Variants in MORC1 observed in about 807,000 individuals in gnomAD.
The protein encoded by MORC1 is MORC family CW-type zinc finger protein 1.
MORC1 carries 59 observed loss-of-function variants against 134.9 expected under a neutral mutation model. That is an observed-to-expected ratio of 0.44 (90% CI 0.35 to 0.54). The LOEUF (loss-of-function observed/expected upper bound fraction) is 0.54. MORC1 is among the 20% of genes least tolerant of loss of function. MORC1 has a pLI of 0.00. For missense variants in MORC1, 947 were observed against 1,134.5 expected, an observed-to-expected ratio of 0.83 and a Z score of 2.37; for synonymous variants, 395 against 391.7, an observed-to-expected ratio of 1.01 and a Z score of -0.10.
In MORC1 at chr3:109,054,857, C is replaced by T. The variant is rs775197851; in HGVS notation, c.1201G>A (p.Val401Ile). The change falls in exon 14 of 28, where the codon GTT becomes ATT. Residue 401 changes from valine (V) to isoleucine (I), a missense_variant. Val to Ile is a conservative substitution (Grantham distance 29). Transcript: ENST00000232603. ...TCCATGACCTCCAAGGGTATATTAACAATTCCAACCACGCCTGCGCCAAGT... is the reference window on the plus strand; with the variant it reads ...TCCATGACCTCCAAGGGTATATTAATAATTCCAACCACGCCTGCGCCAAGT... Reference protein sequence around the residue: ...SLLGAGVVGIVNIPLEVMEPS... With the variant: ...SLLGAGVVGIINIPLEVMEPS... The T allele has an allele frequency of 1.9e-6, 3 of 1,602,094 alleles. 1 individual carries two copies. Among genetic ancestry groups the T allele is most frequent in the Non-Finnish European group, 1.7e-6 (2 of 1,177,306 alleles).
chr3:109,035,106 T>A (rs1398813706), intron 15 of MORC1, among the ~76,000 whole-genome samples: 1 of 152,122 alleles, frequency 6.6e-6, no homozygotes, highest in African/African-American at 2.4e-5. Flanking sequence ...TTGCCTCTAC[T>A]CCCCCATCCT....
At chr3:109,056,164 G>A (rs984630623) in intron 13 of MORC1, among the ~76,000 whole-genome samples, 13 of 152,210 alleles carry the variant, frequency 8.5e-5, no homozygotes, top group African/African-American at 3.1e-4. Context: ...GGAAGCCCAT[G>A]GCAAGCAGTT....
intron 24 of MORC1, among the ~76,000 whole-genome samples, chr3:108,978,727 C>T (rs538976233): frequency 2.0e-5 from 3 of 152,220 alleles, no homozygotes; most frequent in South Asian, 2.1e-4. Context: ...CAATCACTGA[C>T]GAAAAAATCA....
intron 27 of MORC1, among the ~76,000 whole-genome samples, chr3:108,959,713 T>C (rs1280704161): frequency 6.6e-6 from 1 of 152,178 alleles, no homozygotes; most frequent in African/African-American, 2.4e-5. Flanking sequence ...GGAAAATGCA[T>C]ATTATGAAAA....
intron 14 of MORC1, among the ~76,000 whole-genome samples, chr3:109,037,547 TCGTCGTTTA>T: frequency 6.6e-6 from 1 of 152,348 alleles, no homozygotes; most frequent in South Asian, 2.1e-4. Flanking sequence ...ACCCATCAAC[TCGTCGTTTA>T]CATTAGGTAT....
intron 27 of MORC1, among the ~76,000 whole-genome samples, chr3:108,960,105 G>C (rs1238902984): frequency 6.6e-6 from 1 of 152,212 alleles, no homozygotes; most frequent in East Asian, 1.9e-4. Context: ...CAGATGAGAT[G>C]ATGTTGAAGA....
chr3:109,031,959 T>C lies in MORC1; in HGVS notation c.1565+761A>G, dbSNP rs567784060. On this transcript the variant is annotated intron_variant, in intron 16 of 27. Coordinates refer to ENST00000232603, the MANE Select transcript of MORC1 (RefSeq NM_014429.4). Reference sequence around the variant, plus strand: ...CTTCAGTCTCTAAATATAAATAACCTGAGGACTCTAGATGAAAGGGGTTTT... The same window carrying C: ...CTTCAGTCTCTAAATATAAATAACCCGAGGACTCTAGATGAAAGGGGTTTT... 6.6e-5 allele frequency among the ~76,000 whole-genome samples: 10 copies of C among 152,304 alleles called. 1 individual carries two copies. The South Asian group carries it at 2.1e-3, about 32-fold the overall frequency.
At chr3:109,011,338 T>C (rs556424994) in intron 17 of MORC1, among the ~76,000 whole-genome samples, 1 of 152,318 alleles carries the variant, frequency 6.6e-6, no homozygotes, top group Non-Finnish European at 1.5e-5. Flanking sequence ...TTTAACTTTA[T>C]CCATCGTAGT....
chr3:109,009,481 GGCGTGA>G (rs1948632208), intron 17 of MORC1, among the ~76,000 whole-genome samples: 1 of 152,170 alleles, frequency 6.6e-6, no homozygotes, highest in Non-Finnish European at 1.5e-5. Context: ...TGGGATTACA[GGCGTGA>G]GCCACCACGC....
intron 8 of MORC1, among the ~76,000 whole-genome samples, chr3:109,070,348 G>A (rs116398237): frequency 2.9e-4 from 44 of 152,194 alleles, no homozygotes; most frequent in Non-Finnish European, 5.3e-4. Context: ...ATAAAGAATC[G>A]GAAGGCAATA....
At chr3:109,055,078 T>TA (rs1474922643) in intron 13 of MORC1, among the ~76,000 whole-genome samples, 196 bp from the exon 14 acceptor site, 3 of 152,076 alleles carry the variant, frequency 2.0e-5, no homozygotes, top group Non-Finnish European at 4.4e-5. Flanking sequence ...GGTCCCATAA[T>TA]AAAAAAATCA....
At chr3:109,115,951 G>A (rs916930385) in intron 1 of MORC1, among the ~76,000 whole-genome samples, 8 of 152,178 alleles carry the variant, frequency 5.3e-5, no homozygotes, top group Non-Finnish European at 1.2e-4. Flanking sequence ...ACTGAGTCCT[G>A]AAGGATGAGA....
chr3:109,081,952 G>T (rs565690344), intron 8 of MORC1, among the ~76,000 whole-genome samples: 3 of 152,092 alleles, frequency 2.0e-5, no homozygotes, highest in Non-Finnish European at 4.4e-5. Flanking sequence ...ACAAGTGTCT[G>T]GAGGGAGAAA....
rs115343123 is a variant in MORC1 at position 108,993,450 on chromosome 3, T to C, written c.2188-6501A>G. ...TGAACAATCCTGTGGAGGATGAGTA[T>C]AGATGATCTTTCCTTCAAAGCCCTT... On this transcript the variant is annotated intron_variant, in intron 21 of 27. Transcript: ENST00000232603. Among the ~76,000 whole-genome samples the C allele has an allele frequency of 5.2e-3, 789 of 152,310 alleles. 18 individuals are homozygous for C. The highest frequency in any genetic ancestry group is 0.018 in the African/African-American group (756 of 41,578).
intron 6 of MORC1, among the ~76,000 whole-genome samples, chr3:109,098,805 A>G (rs918571985): frequency 6.6e-6 from 1 of 152,136 alleles, no homozygotes; most frequent in Non-Finnish European, 1.5e-5. Context: ...CTACCTTCAT[A>G]GAGTCTATCC....
At chr3:109,060,489 T>C (rs1348874354) in intron 11 of MORC1, among the ~76,000 whole-genome samples, 1 of 151,750 alleles carries the variant, frequency 6.6e-6, no homozygotes, top group Non-Finnish European at 1.5e-5. Flanking sequence ...TTCATTATTG[T>C]TGTTCTCAGG....
chr3:109,115,632 A>G (rs903103187), intron 1 of MORC1, among the ~76,000 whole-genome samples: 3 of 152,206 alleles, frequency 2.0e-5, no homozygotes, highest in Non-Finnish European at 4.4e-5. Context: ...CAAAAATTCA[A>G]TACATAAACA....
chr3:109,052,363 A>C (rs573610714), intron 14 of MORC1, among the ~76,000 whole-genome samples: 61 of 152,320 alleles, frequency 4.0e-4, no homozygotes, highest in African/African-American at 1.4e-3. Context: ...TTTGATTGTG[A>C]ATATAAATCA....
chr3:108,989,618 A>C (rs577731183), intron 21 of MORC1, among the ~76,000 whole-genome samples: 5 of 152,258 alleles, frequency 3.3e-5, no homozygotes, highest in Admixed American at 3.3e-4. Flanking sequence ...ATATCACTTT[A>C]TCTGATTTCT....
Sources: allele counts gnomAD v4.1 joint callset (sites outside exome capture counted in the v4.1 genomes callset), GRCh38; gene constraint gnomAD v4.1.1; transcripts MANE v1.5; gene names NCBI Gene and HGNC (gene_info 2026-07-23, HGNC 2026-07-21).